POLR1H: variants seen among roughly 807,000 people sequenced by gnomAD.
POLR1H encodes DNA-directed RNA polymerase I subunit RPA12.
In POLR1H, 5 loss-of-function variants were observed where a neutral mutation model predicts 15.8. The observed-to-expected ratio is 0.32, with a 90% confidence interval of 0.17 to 0.67. The LOEUF is 0.67. Among genes scored for constraint, POLR1H ranks in the 30% least tolerant of loss-of-function variants. The pLI, the probability that POLR1H is intolerant of heterozygous loss-of-function variation, is 0.74. For synonymous variants in POLR1H, 43 were observed against 58.3 expected (o/e 0.74, Z 1.20); for missense variants, 100 against 163.4 (o/e 0.61, Z 2.11).
In POLR1H at chr6:30,061,811, G is replaced by A. The variant is rs1277582185; in HGVS notation, c.146-106G>A. 30 of 1,550,838 alleles carry A rather than the reference G, an allele frequency of 1.9e-5. No individual in the cohort carries two copies. The highest frequency in any genetic ancestry group is 1.4e-5 in the African/African-American group (1 of 73,392). ...TTTGGTCTAGCGATGAAAACTGAGG[G>A]AAAGGATGTAGGGCCTCCTGGCCTA... is the stretch of plus-strand genomic sequence containing the variant. On this transcript the variant is annotated intron_variant, in intron 1 of 3. Coordinates refer to ENST00000332435, the MANE Select transcript of POLR1H (RefSeq NM_170783.4). This position sits in a 1 kb window ranked among gnomAD's most constrained non-coding sequence, Gnocchi z 5.0.
Position 30,064,835 on chromosome 6 carries a change from C to G in POLR1H, c.*138C>G. ...GAATCAGATCATCATGTGGGGATTA[C>G]CATTGTTCCTGGAGTACTCCTACCC... On this transcript the variant is annotated 3_prime_UTR_variant, in exon 4 of 4. Transcript: ENST00000332435. 1 of 664,180 alleles carries G rather than the reference C, an allele frequency of 1.5e-6. No individual in the cohort carries two copies. The highest frequency in any genetic ancestry group is 2.5e-6 in the Non-Finnish European group (1 of 400,984). The allele number at this position is 664,180 out of a possible 1,614,324, so 41.1% of individuals were successfully genotyped here.
At chr6:30,061,132 C>T (rs1476526124), upstream of POLR1H, 4 of 177,942 alleles carry the variant, frequency 2.2e-5, no homozygotes, top group Non-Finnish European at 4.7e-5. This position sits in a 1 kb window ranked among gnomAD's most constrained non-coding sequence, Gnocchi z 5.0. Flanking sequence ...CGCAATCTCC[C>T]TTGGAAGACG....
chr6:30,063,720 T>G lies in POLR1H; in HGVS notation c.357-953T>G, dbSNP rs760420357. Among the ~76,000 whole-genome samples the G allele has an allele frequency of 3.3e-5, 5 of 152,144 alleles. No individual in the cohort carries two copies. The highest frequency in any genetic ancestry group is 5.9e-5 in the Non-Finnish European group (4 of 68,010). On this transcript the variant is annotated intron_variant, in intron 3 of 3. Coordinates refer to ENST00000332435, the MANE Select transcript of POLR1H (RefSeq NM_170783.4). This position sits in a 1 kb window ranked among gnomAD's most constrained non-coding sequence, Gnocchi z 4.1. ...GAACTGTAGGAATTCTTTGAGGCCT[T>G]GGGCGAGTGCTGTATTCTCAGCATT...
upstream of POLR1H, chr6:30,060,647 A>C (rs3757329): frequency 0.15 from 22,594 of 152,146 alleles, 2,249 homozygotes; most frequent in African/African-American, 0.27. Flanking sequence ...TCTCAAGTGT[A>C]CCACTTCATC....
At position 30,061,380 on chromosome 6, in the gene POLR1H, G is replaced by C. The variant is rs1765037578; in HGVS notation, c.-145G>C. On this transcript the variant is annotated 5_prime_UTR_variant, in exon 1 of 4. Coordinates refer to ENST00000332435, the MANE Select transcript of POLR1H (RefSeq NM_170783.4). The surrounding 1 kb of genome is among the most constrained non-coding windows in gnomAD (Gnocchi z 5.0). The stretch of plus-strand genomic sequence containing the variant: ...GGAATTCCGGGCGTTTCGGCTCCTT[G>C]GTCGCAGAGGCAGGAGGCGTGCGTG... The C allele has an allele frequency of 1.1e-6, 1 of 874,058 alleles. No individual in the cohort carries two copies. The highest frequency in any genetic ancestry group is 1.7e-5 in the African/African-American group (1 of 58,772). The allele number at this position is 874,058 out of a possible 1,614,324, so 54.1% of individuals were successfully genotyped here.
rs989249350 is a variant in POLR1H, at chr6:30,063,460, T to C, written c.356+1127T>C. 1.3e-5 allele frequency among the ~76,000 whole-genome samples: 2 copies of C among 151,694 alleles called. No homozygotes were observed. The highest frequency in any genetic ancestry group is 4.8e-5 in the African/African-American group (2 of 41,398). ...TATTTAATTACTTTTCAAATCTCCTTAATTTTTAAATAATTATCAGTTCTT... is the reference window on the plus strand; with the variant it reads ...TATTTAATTACTTTTCAAATCTCCTCAATTTTTAAATAATTATCAGTTCTT... On this transcript the variant is annotated intron_variant, in intron 3 of 3. Coordinates refer to ENST00000332435, the MANE Select transcript of POLR1H (RefSeq NM_170783.4). The surrounding 1 kb of genome is among the most constrained non-coding windows in gnomAD (Gnocchi z 4.1).
In POLR1H at chr6:30,062,714, C is replaced by CCTTTT. The variant is rs749507630; in HGVS notation, c.356+381_356+382insCTTTT. 5.5e-3 allele frequency among the ~76,000 whole-genome samples: 232 copies of CCTTTT among 42,398 alleles called. 15 individuals are homozygous for CCTTTT. The highest frequency in any genetic ancestry group is 0.018 in the African/African-American group (176 of 9,850). The allele number at this position is 42,398 out of a possible 152,430, so 27.8% of individuals were successfully genotyped here. A position where few individuals can be genotyped will look rare whatever the true frequency, so the allele number is the denominator to read the frequency against. On this transcript the variant is annotated intron_variant, in intron 3 of 3. Transcript: ENST00000332435. ...CACAGACACATGCCACCACGCCTGG[C>CCTTTT]TTTTTTTTTTTTTTTTTTTTTTTTT...
At chr6:30,062,453 C>T (rs1765161229) in intron 3 of POLR1H, 120 bp downstream of exon 3, 2 of 638,852 alleles carry the variant, frequency 3.1e-6, no homozygotes, top group Non-Finnish European at 5.6e-6. Context: ...CTGTGCAGTT[C>T]TGGTAATAGG....
Position 30,061,309 on chromosome 6 carries a change from G to A in POLR1H, c.-216G>A. On this transcript the variant is annotated 5_prime_UTR_variant, in exon 1 of 4. Coordinates refer to ENST00000332435, the MANE Select transcript of POLR1H (RefSeq NM_170783.4). The surrounding 1 kb of genome is among the most constrained non-coding windows in gnomAD (Gnocchi z 5.0). Reference sequence around the variant, plus strand: ...ACGGAGTTGGTTAACTCCTCTCACCGGCCCCTGGAAAGGGTTCCAAGTCCT... The same window carrying A: ...ACGGAGTTGGTTAACTCCTCTCACCAGCCCCTGGAAAGGGTTCCAAGTCCT... 3 of 487,736 alleles carry A rather than the reference G, an allele frequency of 6.2e-6. No individual in the cohort carries two copies. The highest frequency in any genetic ancestry group is 1.1e-5 in the Non-Finnish European group (3 of 279,598). 30.2% of individuals were successfully genotyped at this position (487,736 alleles called of 1,614,324 possible).
chr6:30,060,594 C>T (rs1373491759), upstream of POLR1H: 1 of 152,166 alleles, frequency 6.6e-6, no homozygotes, highest in African/African-American at 2.4e-5. Flanking sequence ...GAGAGGAAGC[C>T]CCAAGCTCCT....
intron 3 of POLR1H, 93 bp from the exon 4 acceptor site, chr6:30,064,580 A>C: frequency 8.5e-7 from 1 of 1,183,246 alleles, no homozygotes; most frequent in Non-Finnish European, 1.2e-6. Context: ...CATAAATAAA[A>C]GTCCTTCCTT....
In POLR1H at chr6:30,064,856, T is replaced by G; in HGVS notation, c.*159T>G. On this transcript the variant is annotated 3_prime_UTR_variant, in exon 4 of 4. Coordinates refer to ENST00000332435, the MANE Select transcript of POLR1H (RefSeq NM_170783.4). Reference sequence around the variant, plus strand: ...ATTACCATTGTTCCTGGAGTACTCCTACCCTTAGTTGAATTTCCTTATTAA... The same window carrying G: ...ATTACCATTGTTCCTGGAGTACTCCGACCCTTAGTTGAATTTCCTTATTAA... 4.2e-6 allele frequency: 2 copies of G among 479,022 alleles called. No individual in the cohort carries two copies. The highest frequency in any genetic ancestry group is 7.3e-6 in the Non-Finnish European group (2 of 274,086). The allele number at this position is 479,022 out of a possible 1,614,324, so 29.7% of individuals were successfully genotyped here. A position where few individuals can be genotyped will look rare whatever the true frequency, so the allele number is the denominator to read the frequency against.
intron 2 of POLR1H, 32 bp from the exon 3 acceptor site, chr6:30,062,192 C>T (rs1225337706): frequency 4.5e-6 from 7 of 1,562,600 alleles, no homozygotes; most frequent in Non-Finnish European, 6.2e-6. Flanking sequence ...GGGATATGAC[C>T]AGGCCTCCCT....
In POLR1H at chr6:30,064,729, C is replaced by T. The variant is rs757662828; in HGVS notation, c.*32C>T. The T allele has an allele frequency of 6.2e-7, 1 of 1,602,242 alleles. No individual in the cohort carries two copies. Among genetic ancestry groups the T allele is most frequent in the Non-Finnish European group, 8.5e-7 (1 of 1,174,470 alleles). On this transcript the variant is annotated 3_prime_UTR_variant, in exon 4 of 4. Transcript: ENST00000332435. ...TCCTGGGCAACTCTACAGTCCCTCCCTCCTTTCGGAAGGTGAAGGATACTG... is the reference window on the plus strand; with the variant it reads ...TCCTGGGCAACTCTACAGTCCCTCCTTCCTTTCGGAAGGTGAAGGATACTG...
chr6:30,062,220 C>G lies in POLR1H; in HGVS notation c.247-4C>G. ...GCCTCCCTAACCCACCAGTTTCTTC[C>G]CAGGTTGACAGGCGCTGCCCTCGAT... On this transcript the variant is annotated splice_region_variant and splice_polypyrimidine_tract_variant and intron_variant, in intron 2 of 3. Transcript: ENST00000332435. The G allele has an allele frequency of 6.2e-7, 1 of 1,611,788 alleles. No homozygotes were observed. The highest frequency in any genetic ancestry group is 8.5e-7 in the Non-Finnish European group (1 of 1,178,876).
At chr6:30,061,165 C>G (rs1376610376), upstream of POLR1H, 1 of 211,250 alleles carries the variant, frequency 4.7e-6, no homozygotes, top group African/African-American at 2.3e-5. The surrounding 1 kb of genome is among the most constrained non-coding windows in gnomAD (Gnocchi z 5.0). Flanking sequence ...TCTAACGCTC[C>G]CGAGACACGG....
At chr6:30,060,395 T>C (rs940892088), upstream of POLR1H, 3 of 152,244 alleles carry the variant, frequency 2.0e-5, no homozygotes, top group African/African-American at 7.2e-5. Flanking sequence ...TTCCCAAAGA[T>C]ACTTATTCTC....
At chr6:30,064,584 C>A in intron 3 of POLR1H, 89 bp from the exon 4 acceptor site, 1 of 1,246,240 alleles carries the variant, frequency 8.0e-7, no homozygotes, top group Non-Finnish European at 1.1e-6. Flanking sequence ...AATAAAAGTC[C>A]TTCCTTGATT....
In POLR1H at chr6:30,063,439, T is replaced by C. The variant is rs956444546; in HGVS notation, c.356+1106T>C. On this transcript the variant is annotated intron_variant, in intron 3 of 3. Coordinates refer to ENST00000332435, the MANE Select transcript of POLR1H (RefSeq NM_170783.4). The surrounding 1 kb of genome is among the most constrained non-coding windows in gnomAD (Gnocchi z 4.1). ...TATTGTTATTATTTTGAGTTCTATT[T>C]AATTACTTTTCAAATCTCCTTAATT... Among the ~76,000 whole-genome samples, 2 of 151,940 alleles carry C rather than the reference T, an allele frequency of 1.3e-5. No individual in the cohort carries two copies. Among genetic ancestry groups the C allele is most frequent in the African/African-American group, 2.4e-5 (1 of 41,572 alleles).
Sources: allele counts gnomAD v4.1 joint callset (sites outside exome capture counted in the v4.1 genomes callset), GRCh38; gene constraint gnomAD v4.1.1; non-coding constraint Gnocchi (gnomAD v3.1); transcripts MANE v1.5; gene names NCBI Gene and HGNC (gene_info 2026-07-23, HGNC 2026-07-21).